ARHGAP24: variants seen among roughly 807,000 people sequenced by gnomAD.
ARHGAP24 encodes the protein Rho GTPase activating protein 24.
ARHGAP24 carries 50 observed loss-of-function variants against 76.4 expected under a neutral mutation model. That is an observed-to-expected ratio of 0.65 (90% CI 0.52 to 0.83). ARHGAP24 has a LOEUF of 0.83. Among genes scored for constraint, ARHGAP24 ranks in the 40% least tolerant of loss-of-function variants. ARHGAP24 has a pLI of 0.00. For synonymous variants in ARHGAP24, 345 were observed against 323.3 expected (o/e 1.07, Z -0.72); for missense variants, 930 against 914.2 (o/e 1.02, Z -0.22).
intron 8 of ARHGAP24, among the ~76,000 whole-genome samples, chr4:85,985,485 G>C (rs937239065): frequency 2.0e-5 from 3 of 152,112 alleles, no homozygotes; most frequent in Non-Finnish European, 4.4e-5. Context: ...CTGTTGGAGG[G>C]TGGATAATGG....
chr4:85,902,823 C>T (rs1161204935), intron 3 of ARHGAP24, among the ~76,000 whole-genome samples: 2 of 152,164 alleles, frequency 1.3e-5, no homozygotes, highest in Non-Finnish European at 2.9e-5. Context: ...AGGCTGGTCT[C>T]GAACTCCTGA....
chr4:85,552,182 C>T (rs1252513482), intron 1 of ARHGAP24, among the ~76,000 whole-genome samples: 2 of 152,142 alleles, frequency 1.3e-5, no homozygotes, highest in African/African-American at 2.4e-5. Flanking sequence ...TTCCTCTTAA[C>T]ACTGCTTTAG....
At chr4:85,536,517 A>G (rs1189045490) in intron 1 of ARHGAP24, among the ~76,000 whole-genome samples, 1 of 152,118 alleles carries the variant, frequency 6.6e-6, no homozygotes, top group Non-Finnish European at 1.5e-5. Context: ...ACACTTTTTT[A>G]TCACTCATTC....
Position 85,556,565 on chromosome 4 carries a change from C to G in ARHGAP24, c.-20-13957C>G, listed in dbSNP as rs147327654. Reference sequence around the variant, plus strand: ...ATGTCATACATGCTCTGGGTTGTCTCTGGGGTTTCCTCCTCAGAGAAATGC... The same window carrying G: ...ATGTCATACATGCTCTGGGTTGTCTGTGGGGTTTCCTCCTCAGAGAAATGC... On this transcript the variant is annotated intron_variant, in intron 1 of 9. Transcript: ENST00000395184. 3.2e-4 allele frequency among the ~76,000 whole-genome samples: 49 copies of G among 152,286 alleles called. No individual in the cohort carries two copies. In the East Asian group the frequency reaches 3.9e-3, roughly 12 times the overall value.
chr4:85,496,610 A>G (rs1723594604), intron 1 of ARHGAP24, among the ~76,000 whole-genome samples: 1 of 152,348 alleles, frequency 6.6e-6, no homozygotes, highest in Non-Finnish European at 1.5e-5. Flanking sequence ...GAAGTTCAAC[A>G]GCATACTGAT....
intron 1 of ARHGAP24, among the ~76,000 whole-genome samples, chr4:85,493,506 G>C (rs972536855): frequency 6.6e-6 from 1 of 152,122 alleles, no homozygotes. Context: ...CATTCTGTGA[G>C]CTATAATCCA....
intron 4 of ARHGAP24, among the ~76,000 whole-genome samples, 173 bp downstream of exon 4, chr4:85,923,943 T>C (rs151255560): frequency 2.1e-4 from 32 of 152,336 alleles, no homozygotes; most frequent in African/African-American, 7.7e-4. Context: ...CCTACAAGTT[T>C]AATTTAGATC....
intron 3 of ARHGAP24, among the ~76,000 whole-genome samples, chr4:85,910,476 C>T (rs565711379): frequency 1.3e-5 from 2 of 152,260 alleles, no homozygotes; most frequent in South Asian, 2.1e-4. Context: ...AGACCCACAG[C>T]GGGTAGCTCC....
chr4:85,650,551 C>T (rs1448451399), intron 2 of ARHGAP24, among the ~76,000 whole-genome samples: 2 of 149,578 alleles, frequency 1.3e-5, no homozygotes, highest in Non-Finnish European at 2.9e-5. Flanking sequence ...AGTTACTATG[C>T]ATCAAATACT....
chr4:85,643,234 G>GTGTGTGTTTTTTTT (rs1721592505), intron 2 of ARHGAP24, among the ~76,000 whole-genome samples: 1 of 54,628 alleles, frequency 1.8e-5, no homozygotes, highest in African/African-American at 5.9e-5. Context: ...GTTTTTTTGT[G>GTGTGTGTTTTTTTT]TTTTTTTTTT....
intron 1 of ARHGAP24, among the ~76,000 whole-genome samples, chr4:85,503,028 T>C (rs1321733026): frequency 1.3e-5 from 2 of 152,218 alleles, no homozygotes; most frequent in Non-Finnish European, 2.9e-5. Flanking sequence ...AATTATTGAT[T>C]TGCATATGTT....
intron 5 of ARHGAP24, among the ~76,000 whole-genome samples, chr4:85,956,496 G>T (rs1036191503): frequency 6.6e-6 from 1 of 152,186 alleles, no homozygotes; most frequent in Non-Finnish European, 1.5e-5. Flanking sequence ...ATGGTGGCAA[G>T]CCTTGTGCTC....
rs1733643425 is a variant in ARHGAP24 at position 85,887,748 on chromosome 4, A to C, written c.269-35900A>C. Among the ~76,000 whole-genome samples the C allele has an allele frequency of 2.0e-5, 3 of 152,232 alleles. No homozygotes were observed. The South Asian group carries it at 6.2e-4, about 32-fold the overall frequency. ...GCTTAGGTGAATTTTGATCTGAAAT[A>C]CTAAAGAATCTAAAGATGCTCTGTT... On this transcript the variant is annotated intron_variant, in intron 3 of 9. Coordinates refer to ENST00000395184, the MANE Select transcript of ARHGAP24 (RefSeq NM_001025616.3).
At position 85,541,142 on chromosome 4, in the gene ARHGAP24, C is replaced by CTTTTTTTTTTTTT. The variant is rs70948733; in HGVS notation, c.-20-29363_-20-29351dup. Among the ~76,000 whole-genome samples, 42 of 49,774 alleles carry CTTTTTTTTTTTTT rather than the reference C, an allele frequency of 8.4e-4. 2 individuals carry two copies. The highest frequency in any genetic ancestry group is 8.5e-4 in the Non-Finnish European group (27 of 31,854). The allele number at this position is 49,774 out of a possible 152,430, so 32.7% of individuals were successfully genotyped here. A position where few individuals can be genotyped will look rare whatever the true frequency, so the allele number is the denominator to read the frequency against. ...TGTGTCTTCTGCTAGCATCCATGAC[C>CTTTTTTTTTTTTT]TTTTTTTTTTTTTTTTTTTTTTTTT... On this transcript the variant is annotated intron_variant, in intron 1 of 9. Transcript: ENST00000395184.
At chr4:85,557,924 T>A (rs1474265527) in intron 1 of ARHGAP24, among the ~76,000 whole-genome samples, 1 of 152,214 alleles carries the variant, frequency 6.6e-6, no homozygotes, top group East Asian at 1.9e-4. Flanking sequence ...AGTGAATCAT[T>A]CCCTTTCCTC....
intron 3 of ARHGAP24, among the ~76,000 whole-genome samples, chr4:85,915,145 T>G (rs932685098): frequency 6.6e-6 from 1 of 152,210 alleles, no homozygotes; most frequent in Non-Finnish European, 1.5e-5. Context: ...ACTGTTGGAC[T>G]TAAATTGTTA....
chr4:85,571,050 C>A (rs1445791060), intron 2 of ARHGAP24: 2 of 215,082 alleles, frequency 9.3e-6, no homozygotes, highest in Non-Finnish European at 1.9e-5. Flanking sequence ...AAACATCTTT[C>A]TTTTTCTCAG....
intron 2 of ARHGAP24, among the ~76,000 whole-genome samples, chr4:85,635,131 A>G (rs1246042470): frequency 6.6e-6 from 1 of 151,900 alleles, no homozygotes; most frequent in Admixed American, 6.6e-5. Context: ...CTTTGTAATT[A>G]ATGCCCTCCT....
At chr4:85,869,371 A>G (rs1732397541) in intron 3 of ARHGAP24, among the ~76,000 whole-genome samples, 1 of 152,134 alleles carries the variant, frequency 6.6e-6, no homozygotes, top group African/African-American at 2.4e-5. Flanking sequence ...ACATACTCCT[A>G]TGCAATTTTT....
Sources: allele counts gnomAD v4.1 joint callset (sites outside exome capture counted in the v4.1 genomes callset), GRCh38; gene constraint gnomAD v4.1.1; transcripts MANE v1.5; gene names NCBI Gene and HGNC (gene_info 2026-07-23, HGNC 2026-07-21).